The following DYNC1H1 variants were observed in gnomAD, a reference collection of about 807,000 sequenced individuals.
DYNC1H1 encodes cytoplasmic dynein 1 heavy chain 1.
Under a neutral mutation model 527.1 loss-of-function variants are expected in DYNC1H1, and 51 were observed. That is an observed-to-expected ratio of 0.10 (90% CI 0.08 to 0.12). The LOEUF (loss-of-function observed/expected upper bound fraction) is 0.12, where lower values mean the gene tolerates loss of function less well. Ranked by LOEUF, DYNC1H1 falls within the 10% of genes least tolerant of loss-of-function variation. The probability of loss-of-function intolerance (pLI) is 1.00; values close to 1 mark genes in which losing one functional copy is unlikely to be tolerated. For missense variants in DYNC1H1, 2,771 were observed against 5,971.8 expected (o/e 0.46, Z 17.66); for synonymous variants, 2,189 against 2,278.8 (o/e 0.96, Z 1.12).
chr14:101,964,670 G>T lies in DYNC1H1; in HGVS notation c.-22G>T. 3.2e-6 allele frequency: 5 copies of T among 1,576,538 alleles called. No individual in the cohort carries two copies. Among genetic ancestry groups the T allele is most frequent in the Non-Finnish European group, 4.3e-6 (5 of 1,167,414 alleles). ...TCGCGGCCGCCTTCTCATCGCTCCT[G>T]GAAGGTCCCGAGCGCGACACCATGT... On this transcript the variant is annotated 5_prime_UTR_variant, in exon 1 of 78. Coordinates refer to ENST00000360184, the MANE Select transcript of DYNC1H1 (RefSeq NM_001376.5). This position sits in a 1 kb window ranked among gnomAD's most constrained non-coding sequence, Gnocchi z 5.5.
At position 102,036,789 on chromosome 14, in the gene DYNC1H1, C is replaced by G. The variant is rs1014505167; in HGVS notation, c.10908+147C>G. 3 of 1,108,860 alleles carry G rather than the reference C, an allele frequency of 2.7e-6. No individual in the cohort carries two copies. Among genetic ancestry groups the G allele is most frequent in the Non-Finnish European group, 4.0e-6 (3 of 743,072 alleles). The allele number at this position is 1,108,860 out of a possible 1,614,324, so 68.7% of individuals were successfully genotyped here. On this transcript the variant is annotated intron_variant, in intron 57 of 77. Coordinates refer to ENST00000360184, the MANE Select transcript of DYNC1H1 (RefSeq NM_001376.5). The surrounding 1 kb of genome is among the most constrained non-coding windows in gnomAD (Gnocchi z 5.6). ...GTGGTTCTGTAATAGATAAATTCAA[C>G]AGAATCATTATTTGCATTTAAAATT...
Position 101,965,067 on chromosome 14 carries a change from C to T in DYNC1H1, c.256+120C>T, listed in dbSNP as rs971143896. 1.6e-5 allele frequency: 18 copies of T among 1,119,738 alleles called. No individual in the cohort carries two copies. Among genetic ancestry groups the T allele is most frequent in the Non-Finnish European group, 2.0e-5 (16 of 815,564 alleles). 69.4% of individuals were successfully genotyped at this position (1,119,738 alleles called of 1,614,324 possible). On this transcript the variant is annotated intron_variant, in intron 1 of 77. Coordinates refer to ENST00000360184, the MANE Select transcript of DYNC1H1 (RefSeq NM_001376.5). The surrounding 1 kb of genome is among the most constrained non-coding windows in gnomAD (Gnocchi z 4.1). ...GAGGAGCCCGGCAGCTGCAGATGAC[C>T]CCTGGATGGGCAGAGCCCGGCGGCC...
rs1444213016 is a variant in DYNC1H1, at chr14:101,984,445, A to AT, written c.1461+838dup. Among the ~76,000 whole-genome samples, 543 of 92,804 alleles carry AT rather than the reference A, an allele frequency of 5.9e-3. 23 individuals are homozygous for AT. Among genetic ancestry groups the AT allele is most frequent in the African/African-American group, 0.016 (268 of 17,214 alleles). 60.9% of individuals were successfully genotyped at this position (92,804 alleles called of 152,430 possible). On this transcript the variant is annotated intron_variant, in intron 7 of 77. Transcript: ENST00000360184. ...TGTGTGTGTGTGTATATATATATATATTATATTTTTTTTTTTTTTTTTTTT... is the reference window on the plus strand; with the variant it reads ...TGTGTGTGTGTGTATATATATATATATTTATATTTTTTTTTTTTTTTTTTTT...
At chr14:101,981,669 C>T (rs1032074897) in intron 5 of DYNC1H1, among the ~76,000 whole-genome samples, 4 of 152,170 alleles carry the variant, frequency 2.6e-5, no homozygotes, top group South Asian at 4.1e-4. Context: ...AGAAACCTTC[C>T]GGTTACTTAG....
Position 102,042,974 on chromosome 14 carries a change from C to T in DYNC1H1, c.12513+226C>T, listed in dbSNP as rs906452685. The stretch of plus-strand genomic sequence containing the variant: ...GGTCGAGGTGGGAGGATCACTTGAG[C>T]CCAGGAGTTCAAGACTGTCTGGGCA... On this transcript the variant is annotated intron_variant, in intron 69 of 77. Coordinates refer to ENST00000360184, the MANE Select transcript of DYNC1H1 (RefSeq NM_001376.5). The surrounding 1 kb of genome is among the most constrained non-coding windows in gnomAD (Gnocchi z 5.7). 2.1e-5 allele frequency: 12 copies of T among 581,904 alleles called. No homozygotes were observed. Among genetic ancestry groups the T allele is most frequent in the East Asian group, 1.6e-4 (5 of 30,540 alleles). The allele number at this position is 581,904 out of a possible 1,614,324, so 36.0% of individuals were successfully genotyped here.
At chr14:101,973,378 T>C (rs1202971520) in intron 1 of DYNC1H1, among the ~76,000 whole-genome samples, 1 of 152,102 alleles carries the variant, frequency 6.6e-6, no homozygotes. Context: ...CAGGCTGGTA[T>C]TGAACTCCTG....
rs2048687645 is a variant in DYNC1H1 at position 102,044,264 on chromosome 14, C to G, written c.12685-10C>G. ...GACCACACACACGAACCCTGCTTTT[C>G]CTCCCCCAGGGCAGGCAGAACATCT... On this transcript the variant is annotated splice_polypyrimidine_tract_variant and intron_variant, in intron 70 of 77. Coordinates refer to ENST00000360184, the MANE Select transcript of DYNC1H1 (RefSeq NM_001376.5). This position sits in a 1 kb window ranked among gnomAD's most constrained non-coding sequence, Gnocchi z 7.1. The G allele has an allele frequency of 6.2e-7, 1 of 1,613,706 alleles. No homozygotes were observed.
Position 102,029,410 on chromosome 14 carries a change from G to T in DYNC1H1, c.9469-129G>T, listed in dbSNP as rs187483671. The T allele has an allele frequency of 3.2e-6, 4 of 1,236,246 alleles. No individual in the cohort carries two copies. The African/African-American group carries it at 4.5e-5, about 14-fold the overall frequency. 76.6% of individuals were successfully genotyped at this position (1,236,246 alleles called of 1,614,324 possible). ...AAGTGGCTAAGCTGAGGCCCGACTCGAGTGTTCTGGCCCCGAGGGCCAGGC... is the reference window on the plus strand; with the variant it reads ...AAGTGGCTAAGCTGAGGCCCGACTCTAGTGTTCTGGCCCCGAGGGCCAGGC... On this transcript the variant is annotated intron_variant, in intron 48 of 77. Coordinates refer to ENST00000360184, the MANE Select transcript of DYNC1H1 (RefSeq NM_001376.5). The surrounding 1 kb of genome is among the most constrained non-coding windows in gnomAD (Gnocchi z 5.3).
intron 48 of DYNC1H1, chr14:102,028,358 A>G (rs1314444762): frequency 1.0e-5 from 5 of 502,482 alleles, no homozygotes; most frequent in Admixed American, 9.3e-5. Context: ...CAAAAAATAC[A>G]AAGAAAATTA....
In DYNC1H1 at chr14:101,986,610, G is replaced by A. The variant is rs769815818; in HGVS notation, c.2385G>A (p.Val795=). Residue 795 remains valine (V), a synonymous_variant, in exon 8 of 78, where the codon GTG becomes GTA. Transcript: ENST00000360184. The surrounding 1 kb of genome is among the most constrained non-coding windows in gnomAD (Gnocchi z 8.7). ...CCTATGAACGGACCTGCGAGAAGGT[G>A]GAGGAGCGGAACACCATTTCCCTTT... is the stretch of plus-strand genomic sequence containing the variant. The part of the protein sequence containing the change: ...VRTYERTCEK[V]EERNTISLLV... 1.2e-6 allele frequency: 2 copies of A among 1,613,052 alleles called. No homozygotes were observed. The highest frequency in any genetic ancestry group is 2.2e-5 in the South Asian group (2 of 91,078).
At position 101,983,680 on chromosome 14, in the gene DYNC1H1, T is replaced by TG. The variant is rs2047894228; in HGVS notation, c.1461+71_1461+72insG. The TG allele has an allele frequency of 5.9e-6, 9 of 1,517,152 alleles. No individual in the cohort carries two copies. The highest frequency in any genetic ancestry group is 2.4e-5 in the East Asian group (1 of 41,286). 94.0% of individuals were successfully genotyped at this position (1,517,152 alleles called of 1,614,324 possible). A position where few individuals can be genotyped will look rare whatever the true frequency, so the allele number is the denominator to read the frequency against. On this transcript the variant is annotated intron_variant, in intron 7 of 77. Coordinates refer to ENST00000360184, the MANE Select transcript of DYNC1H1 (RefSeq NM_001376.5). This position sits in a 1 kb window ranked among gnomAD's most constrained non-coding sequence, Gnocchi z 5.3. ...TTTGTTTTTTGTTTGGTGTTTTTTT[T>TG]TTGTTGTTGTTGTTGAGATGAAGTT...
intron 72 of DYNC1H1, among the ~76,000 whole-genome samples, chr14:102,046,460 A>T (rs2048720428): frequency 6.6e-6 from 1 of 150,478 alleles, no homozygotes; most frequent in Non-Finnish European, 1.5e-5. Flanking sequence ...AGCCAAAGCC[A>T]GGCGAGCTGG....
At chr14:102,037,800 G>A (rs564446340) in intron 57 of DYNC1H1, 1 of 154,534 alleles carries the variant, frequency 6.5e-6, no homozygotes, top group African/African-American at 2.4e-5. Context: ...GGAAGCATCA[G>A]ATTTGCAACG....
At chr14:102,000,878 C>A in intron 18 of DYNC1H1, 76 bp from the exon 19 acceptor site, 2 of 1,433,824 alleles carry the variant, frequency 1.4e-6, no homozygotes, top group Non-Finnish European at 2.0e-6. Flanking sequence ...TGGCCTGAAA[C>A]CATTTTTTAA....
At chr14:102,022,688 G>GAAC (rs2048399232) in intron 42 of DYNC1H1, 63 bp from the exon 43 acceptor site, 1 of 1,611,706 alleles carries the variant, frequency 6.2e-7, no homozygotes, top group South Asian at 1.1e-5. Context: ...CAAACATGGT[G>GAAC]AACATGGTGC....
At position 102,002,474 on chromosome 14, in the gene DYNC1H1, G is replaced by A. The variant is rs2048143372; in HGVS notation, c.4543-63G>A. 3 of 1,605,292 alleles carry A rather than the reference G, an allele frequency of 1.9e-6. No individual in the cohort carries two copies. Among genetic ancestry groups the A allele is most frequent in the Admixed American group, 1.7e-5 (1 of 59,954 alleles). On this transcript the variant is annotated intron_variant, in intron 21 of 77. Transcript: ENST00000360184. The surrounding 1 kb of genome is among the most constrained non-coding windows in gnomAD (Gnocchi z 4.4). ...ATCCTGATCTGCGCTTTTTCAGTGAGTTTTGGCATATCTGTGAGTAGAAGG... is the reference window on the plus strand; with the variant it reads ...ATCCTGATCTGCGCTTTTTCAGTGAATTTTGGCATATCTGTGAGTAGAAGG...
rs139425124 is a variant in DYNC1H1, at chr14:102,001,770, T to C, written c.4542+89T>C. 1,763 of 1,560,262 alleles carry C rather than the reference T, an allele frequency of 1.1e-3. 20 individuals are homozygous for C. The African/African-American group carries it at 0.021, about 19-fold the overall frequency. On this transcript the variant is annotated intron_variant, in intron 21 of 77. Transcript: ENST00000360184. This position sits in a 1 kb window ranked among gnomAD's most constrained non-coding sequence, Gnocchi z 5.0. Reference sequence around the variant, plus strand: ...TTTTCACTGACAGTTACTAGGTACCTGTTTTTTATTGTATTTTTTGAGACA... The same window carrying C: ...TTTTCACTGACAGTTACTAGGTACCCGTTTTTTATTGTATTTTTTGAGACA...
intron 48 of DYNC1H1, 139 bp downstream of exon 48, chr14:102,028,280 G>A: frequency 9.9e-7 from 1 of 1,012,072 alleles, no homozygotes; most frequent in South Asian, 1.4e-5. Context: ...GGGAGGCCAA[G>A]GCGGGAGGAT....
chr14:102,039,570 C>T lies in DYNC1H1; in HGVS notation c.11595+24C>T, dbSNP rs1470685803. The T allele has an allele frequency of 6.2e-7, 1 of 1,614,250 alleles. No individual in the cohort carries two copies. Among genetic ancestry groups the T allele is most frequent in the South Asian group, 1.1e-5 (1 of 91,090 alleles). On this transcript the variant is annotated intron_variant, in intron 61 of 77. Coordinates refer to ENST00000360184, the MANE Select transcript of DYNC1H1 (RefSeq NM_001376.5). This position sits in a 1 kb window ranked among gnomAD's most constrained non-coding sequence, Gnocchi z 7.0. ...AGGTAGAGTGAGGTCCTCAGCCGCT[C>T]CCTGGCGGGGGGGAAGCAGGGTGCT...
Sources: allele counts gnomAD v4.1 joint callset (sites outside exome capture counted in the v4.1 genomes callset), GRCh38; gene constraint gnomAD v4.1.1; non-coding constraint Gnocchi (gnomAD v3.1); transcripts MANE v1.5; gene names NCBI Gene and HGNC (gene_info 2026-07-23, HGNC 2026-07-21).